Variants in PCDHA13 observed in about 807,000 individuals in gnomAD.
The protein encoded by PCDHA13 is protocadherin alpha 13.
Under a neutral mutation model 64.8 loss-of-function variants are expected in PCDHA13, and 54 were observed. The observed-to-expected ratio is 0.83, with a 90% CI of 0.67 to 1.04. PCDHA13 has a LOEUF of 1.04. Ranked by LOEUF, PCDHA13 falls within the 50% of genes least tolerant of loss-of-function variation. The pLI is 0.00. For missense variants in PCDHA13, 1,248 were observed against 1,254.3 expected, an observed-to-expected ratio of 0.99 and a Z score of 0.08; for synonymous variants, 587 against 564.4, an observed-to-expected ratio of 1.04 and a Z score of -0.57.
At chr5:140,894,632 TATC>T (rs1161134901) in intron 1 of PCDHA13, among the ~76,000 whole-genome samples, 1 of 151,990 alleles carries the variant, frequency 6.6e-6, no homozygotes, top group Non-Finnish European at 1.5e-5. Context: ...TCTCCAATCA[TATC>T]ATTACTGAGT....
intron 1 of PCDHA13, among the ~76,000 whole-genome samples, chr5:140,945,918 C>T (rs782600130): frequency 1.2e-4 from 18 of 152,106 alleles, no homozygotes; most frequent in Admixed American, 2.6e-4. Context: ...ATCAATAACA[C>T]TGATCTGAGC....
intron 3 of PCDHA13, among the ~76,000 whole-genome samples, chr5:141,002,517 G>A (rs770473989): frequency 5.3e-5 from 8 of 152,208 alleles, no homozygotes; most frequent in Non-Finnish European, 8.8e-5. Flanking sequence ...GAGTCTCCTA[G>A]CTGGAGTCAG....
intron 3 of PCDHA13, among the ~76,000 whole-genome samples, chr5:140,990,473 C>G (rs1268910696): frequency 6.6e-6 from 1 of 152,186 alleles, no homozygotes; most frequent in Non-Finnish European, 1.5e-5. Flanking sequence ...TATCATGTAT[C>G]AAGCTGAATA....
At chr5:140,909,772 A>T (rs2074681843) in intron 1 of PCDHA13, among the ~76,000 whole-genome samples, 1 of 152,166 alleles carries the variant, frequency 6.6e-6, no homozygotes, top group Non-Finnish European at 1.5e-5. Context: ...CCAGGGACCC[A>T]CTGGACCCAC....
At chr5:140,921,285 T>G (rs1275527554) in intron 1 of PCDHA13, among the ~76,000 whole-genome samples, 1 of 152,180 alleles carries the variant, frequency 6.6e-6, no homozygotes. Context: ...GAAAAAAACC[T>G]CAAATTTGCT....
intron 1 of PCDHA13, among the ~76,000 whole-genome samples, chr5:140,907,756 C>A (rs183321184): frequency 6.6e-6 from 1 of 152,146 alleles, no homozygotes; most frequent in African/African-American, 2.4e-5. Flanking sequence ...TGTTCATGGG[C>A]CCATTGGGTG....
intron 1 of PCDHA13, among the ~76,000 whole-genome samples, chr5:140,962,807 C>T (rs1463442901): frequency 5.3e-5 from 8 of 152,220 alleles, no homozygotes; most frequent in Non-Finnish European, 1.0e-4. Flanking sequence ...CAACTCTAAA[C>T]ATCAGAGATG....
chr5:140,909,268 A>C (rs946921668), intron 1 of PCDHA13, among the ~76,000 whole-genome samples: 1 of 152,240 alleles, frequency 6.6e-6, no homozygotes. Context: ...ACTGAAGGCA[A>C]ATTGCTTCTG....
At chr5:141,006,950 T>G (rs1169196116) in intron 3 of PCDHA13, among the ~76,000 whole-genome samples, 1 of 152,148 alleles carries the variant, frequency 6.6e-6, no homozygotes, top group African/African-American at 2.4e-5. Flanking sequence ...AGATAGGCAG[T>G]TATACATGAG....
In PCDHA13 at chr5:141,010,293, GC is replaced by G; in HGVS notation, c.*357del. The G allele has an allele frequency of 6.5e-7, 1 of 1,549,794 alleles. No individual in the cohort carries two copies. The highest frequency in any genetic ancestry group is 8.7e-7 in the Non-Finnish European group (1 of 1,146,454). On this transcript the variant is annotated 3_prime_UTR_variant, in exon 4 of 4. Transcript: ENST00000289272. ...ATCCTGTCTTGATGACACTTGCAGG[GC>G]AGGCTGAAAAGTTTTGAGATTGAGC...
At chr5:140,942,147 T>C (rs2093240437) in intron 1 of PCDHA13, among the ~76,000 whole-genome samples, 1 of 152,236 alleles carries the variant, frequency 6.6e-6, no homozygotes, top group Non-Finnish European at 1.5e-5. Flanking sequence ...TTACTTGACA[T>C]AAAACAGCTT....
chr5:141,000,657 A>T (rs1403117310), intron 3 of PCDHA13, among the ~76,000 whole-genome samples: 1 of 151,102 alleles, frequency 6.6e-6, no homozygotes, highest in Non-Finnish European at 1.5e-5. Flanking sequence ...CGAACTCCTG[A>T]CCTCAGGTGA....
intron 1 of PCDHA13, among the ~76,000 whole-genome samples, chr5:140,950,237 A>G (rs1192417956): frequency 6.6e-6 from 1 of 151,954 alleles, no homozygotes; most frequent in African/African-American, 2.4e-5. Flanking sequence ...AGTGCCATTA[A>G]TTTGTTCCTA....
At chr5:140,898,956 T>G (rs1352076218) in intron 1 of PCDHA13, among the ~76,000 whole-genome samples, 1 of 152,130 alleles carries the variant, frequency 6.6e-6, no homozygotes, top group African/African-American at 2.4e-5. Flanking sequence ...GAAGCAGTTG[T>G]GAATGGGAGT....
At position 141,010,228 on chromosome 5, in the gene PCDHA13, C is replaced by T. The variant is rs1290626143; in HGVS notation, c.*291C>T. The stretch of plus-strand genomic sequence containing the variant: ...CCGCAAAGGAGAGGCTTCCCAGCCC[C>T]GCCAGTGAGAGGTTGGACTCTCTGC... On this transcript the variant is annotated 3_prime_UTR_variant, in exon 4 of 4. Coordinates refer to ENST00000289272, the MANE Select transcript of PCDHA13 (RefSeq NM_018904.3). 35 of 1,551,916 alleles carry T rather than the reference C, an allele frequency of 2.3e-5. No homozygotes were observed. The highest frequency in any genetic ancestry group is 2.8e-5 in the Non-Finnish European group (32 of 1,147,054).
chr5:140,979,514 C>G lies in PCDHA13; in HGVS notation c.2453+507C>G, dbSNP rs75440413. On this transcript the variant is annotated intron_variant, in intron 2 of 3. Transcript: ENST00000289272. Reference sequence around the variant, plus strand: ...ATTAGAGCCTCCTCATCTTTCCCATCTGTTGCTATCTTATTGTCATCAATG... The same window carrying G: ...ATTAGAGCCTCCTCATCTTTCCCATGTGTTGCTATCTTATTGTCATCAATG... 4.7e-4 allele frequency among the ~76,000 whole-genome samples: 71 copies of G among 152,274 alleles called. 1 individual carries two copies. In the East Asian group the frequency reaches 0.014, roughly 29 times the overall value.
rs1554176597 is a variant in PCDHA13, at chr5:140,883,056, A to G, written c.788A>G (p.Lys263Arg). ...ENAFNGTLVI[K>R]LNATDPDDGT... ...GCCTTCAATGGAACATTAGTGATCA[A>G]GCTAAATGCCACAGATCCTGATGAT... The change falls in exon 1 of 4, where the codon AAG becomes AGG. Residue 263 changes from lysine to arginine, a missense_variant. Transcript: ENST00000289272. 6.2e-7 allele frequency: 1 copy of G among 1,614,176 alleles called. No individual in the cohort carries two copies. Among genetic ancestry groups the G allele is most frequent in the Admixed American group, 1.7e-5 (1 of 60,022 alleles).
chr5:140,949,659 T>A (rs940241933), intron 1 of PCDHA13, among the ~76,000 whole-genome samples: 12 of 151,994 alleles, frequency 7.9e-5, no homozygotes, highest in Middle Eastern at 6.8e-3. Context: ...TACTTTTGTT[T>A]CTTTAAAGTA....
chr5:140,966,786 G>A (rs1554228650), intron 1 of PCDHA13: 2 of 1,526,000 alleles, frequency 1.3e-6, no homozygotes, highest in Admixed American at 1.9e-5. Context: ...GCGGGCACCA[G>A]ACCTGCGGCG....
Sources: allele counts gnomAD v4.1 joint callset (sites outside exome capture counted in the v4.1 genomes callset), GRCh38; gene constraint gnomAD v4.1.1; transcripts MANE v1.5; gene names NCBI Gene and HGNC (gene_info 2026-07-23, HGNC 2026-07-21).